Variants in JCAD observed in about 807,000 individuals in gnomAD.
JCAD encodes junctional cadherin 5-associated protein.
JCAD carries 40 observed loss-of-function variants against 98.0 expected under a neutral mutation model. The observed-to-expected ratio is 0.41, with a 90% CI of 0.32 to 0.53. JCAD has a LOEUF of 0.53. Ranked by LOEUF, JCAD falls within the 20% of genes least tolerant of loss-of-function variation. The probability of loss-of-function intolerance (pLI) is 0.31; values close to 1 mark genes in which losing one functional copy is unlikely to be tolerated. For missense variants in JCAD, 1,705 were observed against 1,738.1 expected (o/e 0.98, Z 0.34); for synonymous variants, 691 against 682.3 (o/e 1.01, Z -0.20).
chr10:30,104,840 TAGAGAAG>T (rs1212256076), intron 1 of JCAD, among the ~76,000 whole-genome samples: 7 of 152,188 alleles, frequency 4.6e-5, no homozygotes, highest in Admixed American at 1.3e-4. Flanking sequence ...CAATTAAACT[TAGAGAAG>T]AGAGAAGAGC....
chr10:30,082,063 T>G (rs577763775), intron 1 of JCAD, among the ~76,000 whole-genome samples: 2 of 152,320 alleles, frequency 1.3e-5, no homozygotes, highest in South Asian at 4.1e-4. Context: ...ATCGTTTACG[T>G]CTAAGTGTAA....
intron 2 of JCAD, among the ~76,000 whole-genome samples, chr10:30,065,379 T>TTAAA (rs1837765856): frequency 6.6e-6 from 1 of 152,140 alleles, no homozygotes; most frequent in Non-Finnish European, 1.5e-5. Context: ...CTAATATGTA[T>TTAAA]TAAATAAATA....
Position 30,047,841 on chromosome 10 carries a change from A to C in JCAD, c.-29T>G. 2 of 1,575,538 alleles carry C rather than the reference A, an allele frequency of 1.3e-6. No homozygotes were observed. Among genetic ancestry groups the C allele is most frequent in the South Asian group, 2.4e-5 (2 of 84,344 alleles). ...GCCTGGGCTTCAGCAAAGCTCAACC[A>C]CTGGAACCATGGTGGTGGCAGGACC... On this transcript the variant is annotated 5_prime_UTR_variant, in exon 2 of 4. Coordinates refer to ENST00000375377, the MANE Select transcript of JCAD (RefSeq NM_020848.4).
At chr10:30,036,567 C>T (rs1380529742) in intron 2 of JCAD, among the ~76,000 whole-genome samples, 1 of 152,212 alleles carries the variant, frequency 6.6e-6, no homozygotes, top group Non-Finnish European at 1.5e-5. Context: ...TTGTTATCAC[C>T]CAGGCAGCTG....
In JCAD at chr10:30,028,043, G is replaced by C. The variant is rs745397407; in HGVS notation, c.2105C>G (p.Ser702Trp). ...CAGCTTTGCACCAGGGAGCAGCTGC[G>C]AACTTTGGGGCTCCTCGGAGAAACT... ...QTSFSEEPQS[S>W]QLLPGAKLGG... The change falls in exon 3 of 4, where the codon TCG becomes TGG. Residue 702 changes from serine to tryptophan, a missense_variant. This residue lies in a region of JCAD where 1,278 missense variants were observed against 1,243.1 expected (regional missense o/e 1.03). Coordinates refer to ENST00000375377, the MANE Select transcript of JCAD (RefSeq NM_020848.4). 1.9e-6 allele frequency: 3 copies of C among 1,614,238 alleles called. No homozygotes were observed. Among genetic ancestry groups the C allele is most frequent in the Admixed American group, 3.3e-5 (2 of 60,032 alleles).
At position 30,027,833 on chromosome 10, in the gene JCAD, T is replaced by A; in HGVS notation, c.2315A>T (p.Asp772Val). The change falls in exon 3 of 4, where the codon GAC becomes GTC. Residue 772 changes from aspartate (D) to valine (V), a missense_variant. Asp to Val is a radical substitution (Grantham distance 152, BLOSUM62 -3). This residue lies in a region of JCAD where 1,278 missense variants were observed against 1,243.1 expected (regional missense o/e 1.03). Coordinates refer to ENST00000375377, the MANE Select transcript of JCAD (RefSeq NM_020848.4). ...GCCTGCTTTTGGCGTCGGTGCCTGGTCCACGGACAAGGAAGTCCTTGAGAA... is the reference window on the plus strand; with the variant it reads ...GCCTGCTTTTGGCGTCGGTGCCTGGACCACGGACAAGGAAGTCCTTGAGAA... The part of the protein sequence containing the change: ...SAFSRTSLSV[D>V]QAPTPKAGRS... The A allele has an allele frequency of 6.2e-7, 1 of 1,614,232 alleles. No individual in the cohort carries two copies. Among genetic ancestry groups the A allele is most frequent in the Non-Finnish European group, 8.5e-7 (1 of 1,180,038 alleles).
intron 2 of JCAD, among the ~76,000 whole-genome samples, chr10:30,038,262 G>A (rs771229008): frequency 2.0e-5 from 3 of 152,140 alleles, no homozygotes; most frequent in Admixed American, 6.5e-5. Flanking sequence ...GAAGGATGGC[G>A]CCAGCTTGGA....
intron 1 of JCAD, among the ~76,000 whole-genome samples, chr10:30,092,127 A>ATATATAT (rs1589715617): frequency 7.4e-5 from 6 of 80,900 alleles, no homozygotes; most frequent in Admixed American, 1.9e-4. Flanking sequence ...TATATATATA[A>ATATATAT]AAAACATTTT....
intron 1 of JCAD, among the ~76,000 whole-genome samples, chr10:30,050,901 CT>C: frequency 6.6e-6 from 1 of 152,316 alleles, no homozygotes; most frequent in Non-Finnish European, 1.5e-5. Context: ...TACTGGCACA[CT>C]TTCATTCATT....
upstream of JCAD, among the ~76,000 whole-genome samples, chr10:30,061,398 C>T (rs531752787): frequency 3.9e-5 from 6 of 152,066 alleles, no homozygotes; most frequent in South Asian, 1.0e-3. Context: ...CAGAATTAGC[C>T]GGGCGTGGTG....
chr10:30,051,286 A>ACG (rs970407516), intron 1 of JCAD, among the ~76,000 whole-genome samples: 2 of 142,254 alleles, frequency 1.4e-5, no homozygotes, highest in African/African-American at 5.8e-5. Context: ...ACACGCACGC[A>ACG]CACACACACA....
At chr10:30,069,463 A>G (rs962486347) in intron 2 of JCAD, among the ~76,000 whole-genome samples, 7 of 149,850 alleles carry the variant, frequency 4.7e-5, no homozygotes, top group Non-Finnish European at 8.8e-5. Flanking sequence ...AAAAAAAAAA[A>G]AAAAATTAGC....
chr10:30,040,158 C>T (rs1837211715), intron 2 of JCAD, among the ~76,000 whole-genome samples: 2 of 152,136 alleles, frequency 1.3e-5, no homozygotes, highest in East Asian at 1.9e-4. Flanking sequence ...AAGCTGTAAT[C>T]AACAGGCCTT....
chr10:30,018,768 T>C (rs545791337), intron 3 of JCAD, among the ~76,000 whole-genome samples: 40 of 152,238 alleles, frequency 2.6e-4, no homozygotes, highest in African/African-American at 9.1e-4. Flanking sequence ...TTTCCTGCCA[T>C]AGCAGCTCAA....
At chr10:30,055,186 A>C (rs1435934633) in intron 1 of JCAD, among the ~76,000 whole-genome samples, 4 of 152,206 alleles carry the variant, frequency 2.6e-5, no homozygotes, top group Admixed American at 6.5e-5. Context: ...AGCATTCTAA[A>C]AAGGTCTTAA....
rs1836828985 is a variant in JCAD at position 30,026,976 on chromosome 10, C to T, written c.3172G>A (p.Glu1058Lys). 6.2e-7 allele frequency: 1 copy of T among 1,614,090 alleles called. No homozygotes were observed. The highest frequency in any genetic ancestry group is 1.7e-5 in the Admixed American group (1 of 60,012). The part of the protein sequence containing the change: ...LRSVGLTPGQ[E>K]QGASELEGSL... ...CCCTCTAGCTCACTGGCACCCTGTT[C>T]TTGCCCAGGGGTGAGCCCCACAGAC... is the stretch of plus-strand genomic sequence containing the variant. The change falls in exon 3 of 4, where the codon GAA (glutamate) becomes AAA (lysine). Residue 1058 changes from glutamate to lysine, a missense_variant. Transcript: ENST00000375377.
At chr10:30,065,028 T>A (rs574543001) in intron 2 of JCAD, among the ~76,000 whole-genome samples, 1 of 152,286 alleles carries the variant, frequency 6.6e-6, no homozygotes, top group South Asian at 2.1e-4. Flanking sequence ...TTTTAGAAAG[T>A]CAGGCAATAG....
chr10:30,048,838 G>T (rs935920841), intron 1 of JCAD, among the ~76,000 whole-genome samples: 43 of 152,248 alleles, frequency 2.8e-4, no homozygotes, highest in African/African-American at 1.0e-3. Flanking sequence ...AAAGTGCTGG[G>T]ATTACAGCCA....
intron 1 of JCAD, among the ~76,000 whole-genome samples, chr10:30,083,258 AT>A (rs1274503804): frequency 1.3e-5 from 2 of 152,182 alleles, no homozygotes; most frequent in Non-Finnish European, 2.9e-5. Context: ...TGACACAATG[AT>A]TTGTCCAAGG....
Sources: allele counts gnomAD v4.1 joint callset (sites outside exome capture counted in the v4.1 genomes callset), GRCh38; gene constraint gnomAD v4.1.1; regional missense constraint gnomAD v4.1.1; transcripts MANE v1.5; gene names NCBI Gene and HGNC (gene_info 2026-07-23, HGNC 2026-07-21).